The following DPF3 variants were observed in gnomAD, a reference collection of about 807,000 sequenced individuals.
DPF3 encodes the protein zinc finger protein DPF3.
In DPF3, 18 loss-of-function variants were observed where a neutral mutation model predicts 56.8. The observed-to-expected ratio is 0.32, with a 90% CI of 0.22 to 0.47. The LOEUF is 0.47. DPF3 is among the 20% of genes least tolerant of loss of function. DPF3 has a pLI of 1.00. For synonymous variants in DPF3, 188 were observed against 180.2 expected, an observed-to-expected ratio of 1.04 and a Z score of -0.35; for missense variants, 403 against 488.8, an observed-to-expected ratio of 0.82 and a Z score of 1.65.
chr14:72,814,808 TC>T (rs1390528993), intron 1 of DPF3, among the ~76,000 whole-genome samples: 2 of 146,418 alleles, frequency 1.4e-5, no homozygotes, highest in African/African-American at 2.5e-5. Flanking sequence ...AGACTCCGTC[TC>T]CAAAAAAAAA....
At chr14:72,790,881 T>C (rs1270740146) in intron 1 of DPF3, among the ~76,000 whole-genome samples, 1 of 152,140 alleles carries the variant, frequency 6.6e-6, no homozygotes, top group African/African-American at 2.4e-5. Context: ...CCAGATTCTC[T>C]CTCTGCCATT....
chr14:72,811,010 G>A (rs1883021831), intron 1 of DPF3, among the ~76,000 whole-genome samples: 1 of 152,204 alleles, frequency 6.6e-6, no homozygotes. Context: ...TGCTTCTGGT[G>A]AGGCTTCAGG....
intron 8 of DPF3, chr14:72,670,420 C>A: frequency 1.0e-6 from 1 of 985,980 alleles, no homozygotes; most frequent in Non-Finnish European, 1.2e-6. Flanking sequence ...GGAGGCCAGG[C>A]ATAGGCACCC....
At chr14:72,778,340 GC>G (rs1891834700) in intron 1 of DPF3, among the ~76,000 whole-genome samples, 1 of 152,078 alleles carries the variant, frequency 6.6e-6, no homozygotes, top group Non-Finnish European at 1.5e-5. Flanking sequence ...TCATAGAAGC[GC>G]AAACCCTACT....
At chr14:72,830,560 G>A (rs917707543) in intron 1 of DPF3, among the ~76,000 whole-genome samples, 23 of 139,152 alleles carry the variant, frequency 1.7e-4, no homozygotes, top group Middle Eastern at 3.8e-3. Flanking sequence ...CCTGCACAGC[G>A]AGGACAATAC....
At chr14:72,671,257 G>A (rs1886661760) in intron 8 of DPF3, 1 of 1,614,006 alleles carries the variant, frequency 6.2e-7, no homozygotes, top group Non-Finnish European at 8.5e-7. Flanking sequence ...GTCACTTTCT[G>A]ACGTGGAACC....
intron 8 of DPF3, among the ~76,000 whole-genome samples, chr14:72,631,286 C>A (rs1308727433): frequency 6.6e-6 from 1 of 152,188 alleles, no homozygotes; most frequent in East Asian, 1.9e-4. Flanking sequence ...GAACTAATAA[C>A]CCTCTCAAGG....
At chr14:72,654,023 C>T (rs1885994789) in intron 8 of DPF3, among the ~76,000 whole-genome samples, 1 of 152,132 alleles carries the variant, frequency 6.6e-6, no homozygotes, top group African/African-American at 2.4e-5. Context: ...GTAGACAAAC[C>T]CAAACTCCTT....
At chr14:72,629,819 G>T in intron 8 of DPF3, 83 bp from the exon 9 acceptor site, 1 of 1,128,216 alleles carries the variant, frequency 8.9e-7, no homozygotes, top group Non-Finnish European at 1.3e-6. Flanking sequence ...ACACATTGAT[G>T]CCCAGTGTGC....
chr14:72,788,813 A>G (rs1892315991), intron 1 of DPF3, among the ~76,000 whole-genome samples: 1 of 152,196 alleles, frequency 6.6e-6, no homozygotes, highest in Non-Finnish European at 1.5e-5. Flanking sequence ...AGTAGATATG[A>G]GAGTTAACGT....
At position 72,762,473 on chromosome 14, in the gene DPF3, G is replaced by A. The variant is rs530596759; in HGVS notation, c.194-9102C>T. Among the ~76,000 whole-genome samples, 11 of 151,208 alleles carry A rather than the reference G, an allele frequency of 7.3e-5. No individual in the cohort carries two copies. The South Asian group carries it at 2.3e-3, about 32-fold the overall frequency. On this transcript the variant is annotated intron_variant, in intron 2 of 10. Transcript: ENST00000556509. ...CATTCCTACATAATGAAGCTTCCAT[G>A]AACAAAAGAAAAACCACATGATCAT...
chr14:72,620,799 C>T (rs1296578698), intron 9 of DPF3, among the ~76,000 whole-genome samples: 3 of 152,242 alleles, frequency 2.0e-5, no homozygotes, highest in Admixed American at 1.3e-4. Flanking sequence ...CATTTAAATG[C>T]ATTTTCCTTT....
intron 1 of DPF3, among the ~76,000 whole-genome samples, chr14:72,834,659 CAG>C (rs1176891326): frequency 1.3e-5 from 2 of 152,070 alleles, no homozygotes; most frequent in African/African-American, 4.8e-5. Flanking sequence ...ACTTCAAACA[CAG>C]AGTTATTATA....
In DPF3 at chr14:72,884,219, C is replaced by G. The variant is rs79273511; in HGVS notation, c.32+9838G>C. On this transcript the variant is annotated intron_variant, in intron 1 of 10. Coordinates refer to ENST00000556509, the MANE Select transcript of DPF3 (RefSeq NM_001280542.3). ...AAATGAAATGAGGGTTTCCCCTGAG[C>G]TCACATTCTCACTTATTTCAAACCC... Among the ~76,000 whole-genome samples the G allele has an allele frequency of 3.1e-3, 465 of 152,270 alleles. 3 individuals are homozygous for G. Among genetic ancestry groups the G allele is most frequent in the African/African-American group, 0.011 (451 of 41,540 alleles).
chr14:72,625,978 G>A (rs999323852), intron 9 of DPF3, among the ~76,000 whole-genome samples: 16 of 152,276 alleles, frequency 1.1e-4, no homozygotes, highest in African/African-American at 3.4e-4. Context: ...AGTATTTGTG[G>A]TGCAGTTATT....
chr14:72,731,750 TG>T, intron 4 of DPF3, 56 bp downstream of exon 4: 1 of 1,605,008 alleles, frequency 6.2e-7, no homozygotes, highest in Non-Finnish European at 8.5e-7. Flanking sequence ...GCTGGAGTTC[TG>T]GAAGCGCTAT....
chr14:72,734,096 T>C (rs921170290), intron 3 of DPF3, among the ~76,000 whole-genome samples: 15 of 152,318 alleles, frequency 9.8e-5, no homozygotes, highest in African/African-American at 3.6e-4. Context: ...ACCACCACTG[T>C]GCTGGGACTA....
chr14:72,692,002 T>G (rs942702391), intron 7 of DPF3, among the ~76,000 whole-genome samples: 14 of 151,840 alleles, frequency 9.2e-5, no homozygotes. Context: ...GAAAGTGGGG[T>G]GGAGGTTAAG....
At chr14:72,836,499 G>A (rs986135431) in intron 1 of DPF3, 2 of 985,348 alleles carry the variant, frequency 2.0e-6, no homozygotes, top group African/African-American at 1.7e-5. Context: ...GTCTTCCCTT[G>A]GGGTTCTGAC....
Sources: allele counts gnomAD v4.1 joint callset (sites outside exome capture counted in the v4.1 genomes callset), GRCh38; gene constraint gnomAD v4.1.1; transcripts MANE v1.5; gene names NCBI Gene and HGNC (gene_info 2026-07-23, HGNC 2026-07-21).